Variants in APP observed in about 807,000 individuals in gnomAD.
APP encodes the protein amyloid beta precursor protein.
APP carries 31 observed loss-of-function variants against 101.4 expected under a neutral mutation model. The ratio of observed to expected loss-of-function variants is 0.31; its 90% confidence interval spans 0.23 to 0.41. The LOEUF (loss-of-function observed/expected upper bound fraction) is 0.41. Ranked by LOEUF, APP falls within the 10% of genes least tolerant of loss-of-function variation. The pLI is 1.00. For synonymous variants in APP, 366 were observed against 364.4 expected, an observed-to-expected ratio of 1.00 and a Z score of -0.05; for missense variants, 839 against 1,003.7, an observed-to-expected ratio of 0.84 and a Z score of 2.22.
chr21:26,014,938 A>G (rs1173421548), intron 6 of APP, among the ~76,000 whole-genome samples: 1 of 152,210 alleles, frequency 6.6e-6, no homozygotes, highest in East Asian at 1.9e-4. Context: ...GGCTTAAAAT[A>G]CCTGCAAGAA....
intron 17 of APP, among the ~76,000 whole-genome samples, chr21:25,889,922 AAAG>A (rs1207313937): frequency 1.3e-5 from 2 of 152,188 alleles, no homozygotes; most frequent in Admixed American, 1.3e-4. Flanking sequence ...CAGCAGCAAA[AAAG>A]GGGTCTTGAA....
chr21:26,163,205 A>G (rs2063531459), intron 1 of APP, among the ~76,000 whole-genome samples: 1 of 134,228 alleles, frequency 7.5e-6, no homozygotes, highest in Non-Finnish European at 1.5e-5. Context: ...ACGCCACTGC[A>G]CTCCAGCCTG....
chr21:26,031,344 G>C (rs1040141605), intron 5 of APP, among the ~76,000 whole-genome samples: 1 of 152,174 alleles, frequency 6.6e-6, no homozygotes, highest in Non-Finnish European at 1.5e-5. Context: ...AGAAAGAAGA[G>C]AGAAGCTGCA....
intron 1 of APP, among the ~76,000 whole-genome samples, chr21:26,156,823 T>C (rs941746482): frequency 1.3e-5 from 2 of 151,122 alleles, no homozygotes; most frequent in Non-Finnish European, 2.9e-5. Flanking sequence ...TCTAATATAA[T>C]TAAAATTTTC....
intron 8 of APP, among the ~76,000 whole-genome samples, chr21:25,984,809 C>A (rs1056526152): frequency 1.3e-5 from 2 of 152,234 alleles, no homozygotes; most frequent in Middle Eastern, 6.8e-3. Context: ...TCCAATCTGG[C>A]AGAATGACAT....
intron 13 of APP, among the ~76,000 whole-genome samples, chr21:25,918,470 C>T (rs1290600300): frequency 3.3e-5 from 5 of 152,184 alleles, no homozygotes; most frequent in East Asian, 3.9e-4. Context: ...TCTGAGATAC[C>T]GGGTTCATCT....
chr21:25,891,601 C>T, intron 17 of APP, 121 bp downstream of exon 17: 5 of 979,096 alleles, frequency 5.1e-6, no homozygotes, highest in Non-Finnish European at 8.2e-6. Context: ...ACCCAAGCAT[C>T]ATGGAAGCAC....
chr21:25,968,252 C>G (rs1448179697), intron 11 of APP, among the ~76,000 whole-genome samples: 1 of 152,010 alleles, frequency 6.6e-6, no homozygotes, highest in African/African-American at 2.4e-5. Context: ...CTGGTTCACA[C>G]TCACACCTCA....
intron 11 of APP, among the ~76,000 whole-genome samples, chr21:25,969,898 G>GGGGAGGGGAGGGT (rs1317053728): frequency 7.4e-3 from 13 of 1,748 alleles, no homozygotes; most frequent in Non-Finnish European, 0.022. Context: ...GAAGATTAGA[G>GGGGAGGGGAGGGT]AAGAGAAGAG....
At chr21:26,032,794 GAAA>G (rs67118069) in intron 5 of APP, among the ~76,000 whole-genome samples, 6,646 of 137,690 alleles carry the variant, frequency 0.048, 216 homozygotes, top group East Asian at 0.1. Context: ...TATTATTTTA[GAAA>G]AAAAAAAAAT....
chr21:26,134,281 T>C (rs925257460), intron 1 of APP, among the ~76,000 whole-genome samples: 1 of 152,084 alleles, frequency 6.6e-6, no homozygotes, highest in African/African-American at 2.4e-5. Context: ...AGATTACACA[T>C]CCCACAGGCT....
Position 25,883,462 on chromosome 21 carries a change from C to T in APP, c.2212-1691G>A, listed in dbSNP as rs139313767. On this transcript the variant is annotated intron_variant, in intron 17 of 17. Transcript: ENST00000346798. ...TCCCAGCCCTTTTGGGAGGCCAAGGCGGGTGGATCACGAGGTCGGGAGTTT... is the reference window on the plus strand; with the variant it reads ...TCCCAGCCCTTTTGGGAGGCCAAGGTGGGTGGATCACGAGGTCGGGAGTTT... 1.8e-3 allele frequency among the ~76,000 whole-genome samples: 271 copies of T among 151,264 alleles called. 1 individual carries two copies. Among genetic ancestry groups the T allele is most frequent in the African/African-American group, 3.7e-3 (152 of 41,160 alleles).
At chr21:25,966,217 G>A (rs187657204) in intron 11 of APP, among the ~76,000 whole-genome samples, 1 of 152,154 alleles carries the variant, frequency 6.6e-6, no homozygotes, top group Admixed American at 6.5e-5. Flanking sequence ...TTTACTGAAA[G>A]AGCATGTATA....
At chr21:26,170,025 T>A (rs1180953358) in intron 1 of APP, among the ~76,000 whole-genome samples, 4 of 150,786 alleles carry the variant, frequency 2.7e-5, no homozygotes, top group African/African-American at 9.8e-5. Context: ...GGGATGGGGG[T>A]GAGAGAGGAA....
At chr21:26,127,775 GATATT>G (rs2062714173) in intron 1 of APP, among the ~76,000 whole-genome samples, 1 of 152,156 alleles carries the variant, frequency 6.6e-6, no homozygotes. Flanking sequence ...CACCTCACAG[GATATT>G]ATGAGGATTA....
At chr21:26,038,675 A>T (rs781291369) in intron 5 of APP, among the ~76,000 whole-genome samples, 2 of 152,062 alleles carry the variant, frequency 1.3e-5, no homozygotes, top group South Asian at 2.1e-4. Context: ...GAGGTAGGAG[A>T]ATTGCTTGAA....
intron 1 of APP, among the ~76,000 whole-genome samples, chr21:26,141,835 G>C (rs945282055): frequency 2.0e-5 from 3 of 152,198 alleles, no homozygotes; most frequent in Non-Finnish European, 4.4e-5. Context: ...ATTACATCAA[G>C]GGTTTCACAA....
At chr21:26,090,218 C>T in intron 2 of APP, 146 bp from the exon 3 acceptor site, 2 of 1,265,130 alleles carry the variant, frequency 1.6e-6, no homozygotes, top group South Asian at 1.4e-5. Context: ...AGGTCTCTGA[C>T]TTTTTCCGAT....
chr21:26,143,710 C>T (rs1013182542), intron 1 of APP, among the ~76,000 whole-genome samples: 17 of 152,214 alleles, frequency 1.1e-4, no homozygotes, highest in African/African-American at 4.1e-4. Flanking sequence ...TCACTTCCCC[C>T]ACATCCAAAC....
Sources: allele counts gnomAD v4.1 joint callset (sites outside exome capture counted in the v4.1 genomes callset), GRCh38; gene constraint gnomAD v4.1.1; transcripts MANE v1.5; gene names NCBI Gene and HGNC (gene_info 2026-07-23, HGNC 2026-07-21).